TMEM178B: variants seen among roughly 807,000 people sequenced by gnomAD.
TMEM178B encodes transmembrane protein 178B.
A neutral mutation model predicts 31.0 loss-of-function variants in TMEM178B; 5 were observed. The observed-to-expected ratio is 0.16, with a 90% CI of 0.08 to 0.34. TMEM178B has a LOEUF of 0.34. Among genes scored for constraint, TMEM178B ranks in the 10% least tolerant of loss-of-function variants. The probability of loss-of-function intolerance (pLI) is 1.00; values close to 1 mark genes in which losing one functional copy is unlikely to be tolerated. For missense variants in TMEM178B, 275 were observed against 400.3 expected (o/e 0.69, Z 2.67); for synonymous variants, 164 against 164.0 (o/e 1.00, Z 0.00).
intron 2 of TMEM178B, among the ~76,000 whole-genome samples, chr7:141,216,490 A>C (rs1246682859): frequency 9.1e-6 from 1 of 109,982 alleles, no homozygotes; most frequent in African/African-American, 3.9e-5. Flanking sequence ...TGTGGTGGGG[A>C]AGAAGGGTGA....
chr7:141,340,447 T>C (rs1473109072), intron 2 of TMEM178B, among the ~76,000 whole-genome samples: 1 of 152,264 alleles, frequency 6.6e-6, no homozygotes, highest in Admixed American at 6.5e-5. Context: ...CTTGTTATTA[T>C]AATTTGGCAC....
chr7:141,308,113 AG>A, intron 2 of TMEM178B, among the ~76,000 whole-genome samples: 1 of 152,328 alleles, frequency 6.6e-6, no homozygotes, highest in Non-Finnish European at 1.5e-5. Context: ...CCGGGGAAGG[AG>A]GGATGAATAA....
intron 2 of TMEM178B, among the ~76,000 whole-genome samples, chr7:141,346,009 G>A (rs1224756185): frequency 7.9e-5 from 12 of 151,972 alleles, no homozygotes; most frequent in East Asian, 3.9e-4. Flanking sequence ...TGAGGCGGGC[G>A]GATCACGAGA....
intron 1 of TMEM178B, among the ~76,000 whole-genome samples, chr7:141,188,925 T>G (rs982444008): frequency 2.0e-5 from 3 of 152,232 alleles, no homozygotes; most frequent in African/African-American, 7.2e-5. Context: ...AAGGTGTCCC[T>G]GAATCCAGCC....
intron 2 of TMEM178B, among the ~76,000 whole-genome samples, chr7:141,370,697 A>G (rs1800099944): frequency 6.6e-6 from 1 of 152,220 alleles, no homozygotes; most frequent in African/African-American, 2.4e-5. Flanking sequence ...ATTTGCCAAT[A>G]TTTAGTAGGA....
chr7:141,436,521 G>A (rs1237950600), intron 2 of TMEM178B, among the ~76,000 whole-genome samples: 1 of 152,172 alleles, frequency 6.6e-6, no homozygotes, highest in African/African-American at 2.4e-5. Flanking sequence ...AGGGCCCAGG[G>A]AGCTGTGGTG....
intron 2 of TMEM178B, among the ~76,000 whole-genome samples, chr7:141,269,544 A>G (rs548531006): frequency 1.3e-5 from 2 of 152,246 alleles, no homozygotes; most frequent in African/African-American, 4.8e-5. Flanking sequence ...TTACAAAAGT[A>G]TCTTGAGCTT....
At chr7:141,426,450 C>A (rs1801317346) in intron 2 of TMEM178B, among the ~76,000 whole-genome samples, 1 of 152,186 alleles carries the variant, frequency 6.6e-6, no homozygotes, top group African/African-American at 2.4e-5. Context: ...ATGTGAGTGT[C>A]TACTAAAGTA....
chr7:141,180,167 T>G (rs1796497697), intron 1 of TMEM178B, among the ~76,000 whole-genome samples: 1 of 152,098 alleles, frequency 6.6e-6, no homozygotes, highest in African/African-American at 2.4e-5. Flanking sequence ...GATGGCCGTG[T>G]TTTAAAAAAT....
chr7:141,328,864 T>G (rs1200902950), intron 2 of TMEM178B, among the ~76,000 whole-genome samples: 4 of 152,194 alleles, frequency 2.6e-5, no homozygotes, highest in Admixed American at 6.5e-5. Flanking sequence ...TCCAGCTCCT[T>G]TTTCTACAGG....
At chr7:141,364,025 T>G (rs6964699) in intron 2 of TMEM178B, among the ~76,000 whole-genome samples, 49,214 of 151,944 alleles carry the variant, frequency 0.32, 8,197 homozygotes, top group Middle Eastern at 0.36. Flanking sequence ...TACATCACCT[T>G]GACTTACTCC....
At chr7:141,413,141 A>T (rs1318732464) in intron 2 of TMEM178B, among the ~76,000 whole-genome samples, 1 of 152,204 alleles carries the variant, frequency 6.6e-6, no homozygotes, top group East Asian at 1.9e-4. Context: ...TCACAGTGCC[A>T]TGTGTAAAGC....
At chr7:141,448,896 G>A (rs557712855) in intron 3 of TMEM178B, among the ~76,000 whole-genome samples, 11 of 152,222 alleles carry the variant, frequency 7.2e-5, no homozygotes, top group Admixed American at 2.0e-4. Context: ...TCCATACCAC[G>A]GACAGACAAG....
rs570619567 is a variant in TMEM178B at position 141,171,775 on chromosome 7, G to A, written c.383-40816G>A. ...TGTGAACATGTGCAAATGTGGGCCA[G>A]CTTAACACCATGAACCCAGTGCCTA... is the stretch of plus-strand genomic sequence containing the variant. On this transcript the variant is annotated intron_variant, in intron 1 of 3. Transcript: ENST00000565468. This position sits in a 1 kb window ranked among gnomAD's most constrained non-coding sequence, Gnocchi z 4.3. Among the ~76,000 whole-genome samples, 1 of 152,294 alleles carries A rather than the reference G, an allele frequency of 6.6e-6. No homozygotes were observed. Among genetic ancestry groups the A allele is most frequent in the South Asian group, 2.1e-4 (1 of 4,828 alleles).
At chr7:141,428,394 A>G (rs1408976486) in intron 2 of TMEM178B, among the ~76,000 whole-genome samples, 7 of 150,492 alleles carry the variant, frequency 4.7e-5, no homozygotes, top group African/African-American at 7.3e-5. Flanking sequence ...AGAAAAAAAG[A>G]AAAGGAAAGA....
rs57778555 is a variant in TMEM178B at position 141,385,399 on chromosome 7, C to T, written c.497-52209C>T. ...CGGGTAGAATGTCTTTCTGTAAGCA[C>T]GATGGGGATTCTCAGGGATAGTCCA... is the stretch of plus-strand genomic sequence containing the variant. On this transcript the variant is annotated intron_variant, in intron 2 of 3. Coordinates refer to ENST00000565468, the MANE Select transcript of TMEM178B (RefSeq NM_001195278.2). Among the ~76,000 whole-genome samples, 1,010 of 152,270 alleles carry T rather than the reference C, an allele frequency of 6.6e-3. 18 individuals are homozygous for T. The highest frequency in any genetic ancestry group is 0.022 in the African/African-American group (897 of 41,550).
chr7:141,087,835 A>G lies in TMEM178B; in HGVS notation c.382+13143A>G, dbSNP rs142481973. ...CCTATTTATACAAACTATAGCTGGA[A>G]TAGAAAAATCCCCTCAGAATTATAG... On this transcript the variant is annotated intron_variant, in intron 1 of 3. Coordinates refer to ENST00000565468, the MANE Select transcript of TMEM178B (RefSeq NM_001195278.2). Among the ~76,000 whole-genome samples the G allele has an allele frequency of 2.6e-5, 4 of 152,336 alleles. No individual in the cohort carries two copies. The East Asian group carries it at 7.7e-4, about 29-fold the overall frequency.
rs114760727 is a variant in TMEM178B at position 141,119,975 on chromosome 7, G to A, written c.382+45283G>A. Among the ~76,000 whole-genome samples, 527 of 152,302 alleles carry A rather than the reference G, an allele frequency of 3.5e-3. 5 individuals are homozygous for A. Among genetic ancestry groups the A allele is most frequent in the African/African-American group, 0.012 (494 of 41,564 alleles). On this transcript the variant is annotated intron_variant, in intron 1 of 3. Coordinates refer to ENST00000565468, the MANE Select transcript of TMEM178B (RefSeq NM_001195278.2). ...ATAGTCCAACTGTAATGAGAAAGTGGCCAGATCTTAGATAAGAATGGAAGG... is the reference window on the plus strand; with the variant it reads ...ATAGTCCAACTGTAATGAGAAAGTGACCAGATCTTAGATAAGAATGGAAGG...
intron 1 of TMEM178B, among the ~76,000 whole-genome samples, chr7:141,184,008 C>T (rs1041894729): frequency 1.3e-5 from 2 of 152,130 alleles, no homozygotes; most frequent in Non-Finnish European, 2.9e-5. Flanking sequence ...GAAACTCGTC[C>T]CTGCACTTGG....
Sources: allele counts gnomAD v4.1 joint callset (sites outside exome capture counted in the v4.1 genomes callset), GRCh38; gene constraint gnomAD v4.1.1; non-coding constraint Gnocchi (gnomAD v3.1); transcripts MANE v1.5; gene names NCBI Gene and HGNC (gene_info 2026-07-23, HGNC 2026-07-21).